Variants in REV3L observed in about 807,000 individuals in gnomAD.
REV3L encodes DNA polymerase zeta catalytic subunit.
A neutral mutation model predicts 299.4 loss-of-function variants in REV3L; 69 were observed. The observed-to-expected ratio is 0.23, with a 90% CI of 0.19 to 0.28. REV3L has a LOEUF of 0.28. REV3L is among the 10% of genes least tolerant of loss of function. The pLI is 1.00. For missense variants in REV3L, 3,128 were observed against 3,693.8 expected, an observed-to-expected ratio of 0.85 and a Z score of 3.97; for synonymous variants, 1,238 against 1,271.4, an observed-to-expected ratio of 0.97 and a Z score of 0.56.
intron 18 of REV3L, among the ~76,000 whole-genome samples, chr6:111,353,038 A>T (rs1470143722): frequency 6.6e-6 from 1 of 152,254 alleles, no homozygotes; most frequent in African/African-American, 2.4e-5. Context: ...CCAAAAGGCC[A>T]AGTGAAATAT....
chr6:111,432,452 A>G (rs1787049763), intron 1 of REV3L, among the ~76,000 whole-genome samples: 1 of 152,224 alleles, frequency 6.6e-6, no homozygotes, highest in Non-Finnish European at 1.5e-5. Flanking sequence ...GTAAAAAGAA[A>G]CAAAGAGGGT....
chr6:111,386,695 C>T (rs1482340673), intron 9 of REV3L, among the ~76,000 whole-genome samples: 1 of 146,380 alleles, frequency 6.8e-6, no homozygotes, highest in Non-Finnish European at 1.5e-5. Context: ...AAAATTTATG[C>T]TTTACTGCTT....
Position 111,373,817 on chromosome 6 carries a change from T to C in REV3L, c.4538A>G (p.Asn1513Ser). Residue 1513 changes from asparagine to serine, a missense_variant, in exon 13 of 32, where the codon AAT becomes AGT. Around this residue, in one of 9 missense-constraint regions of REV3L, gnomAD observed 2,409 missense variants for 2,611.8 expected, o/e 0.92. Coordinates refer to ENST00000368802, the MANE Select transcript of REV3L (RefSeq NM_001372078.1). The stretch of plus-strand genomic sequence containing the variant: ...ACCAAATGCTGAAGGTGTTGACACA[T>C]TTCGATTTTTACACTGAGAAAGTGC... ...TKALSQCKNRNVSTPSAFGEG... is the reference protein window; with the variant it reads ...TKALSQCKNRSVSTPSAFGEG... 4 of 1,614,152 alleles carry C rather than the reference T, an allele frequency of 2.5e-6. No individual in the cohort carries two copies. Among genetic ancestry groups the C allele is most frequent in the Non-Finnish European group, 3.4e-6 (4 of 1,179,998 alleles).
chr6:111,477,889 C>A (rs1012044470), intron 1 of REV3L, among the ~76,000 whole-genome samples: 2 of 152,048 alleles, frequency 1.3e-5, no homozygotes, highest in African/African-American at 4.8e-5. Flanking sequence ...TAAACCTGAC[C>A]AAAAATGCTA....
At chr6:111,448,526 T>C (rs4620160) in intron 1 of REV3L, among the ~76,000 whole-genome samples, 1 of 151,966 alleles carries the variant, frequency 6.6e-6, no homozygotes, top group African/African-American at 2.4e-5. Flanking sequence ...GGAAAGATGG[T>C]GTTGCCCAGG....
Position 111,310,035 on chromosome 6 carries a change from T to C in REV3L, c.8860A>G (p.Ile2954Val), listed in dbSNP as rs1477254362. ...QVGERVPYVI[I>V]YGTPGVPLIQ... Reference sequence around the variant, plus strand: ...AGTGGTACTCCGGGGGTCCCATAAATGATGACGTATGGCACTCGCTCCCCA... The same window carrying C: ...AGTGGTACTCCGGGGGTCCCATAAACGATGACGTATGGCACTCGCTCCCCA... The change falls in exon 30 of 32, where the codon ATT (isoleucine) becomes GTT (valine). Residue 2954 changes from isoleucine (I) to valine (V), a missense_variant. Physicochemically the swap from Ile to Val is conservative, Grantham distance 29. Around this residue, in one of 9 missense-constraint regions of REV3L, gnomAD observed 294 missense variants for 377.0 expected, o/e 0.78. Coordinates refer to ENST00000368802, the MANE Select transcript of REV3L (RefSeq NM_001372078.1). 10 of 1,612,186 alleles carry C rather than the reference T, an allele frequency of 6.2e-6. No individual in the cohort carries two copies. The highest frequency in any genetic ancestry group is 1.3e-5 in the African/African-American group (1 of 74,844).
chr6:111,336,336 G>C (rs746669038), intron 21 of REV3L, among the ~76,000 whole-genome samples: 3 of 152,008 alleles, frequency 2.0e-5, no homozygotes, highest in African/African-American at 4.8e-5. Context: ...TTATTCATTT[G>C]AAGATTAAGG....
chr6:111,335,487 T>G lies in REV3L; in HGVS notation c.7662A>C (p.Val2554=). 6.2e-7 allele frequency: 1 copy of G among 1,613,238 alleles called. No homozygotes were observed. Among genetic ancestry groups the G allele is most frequent in the Non-Finnish European group, 8.5e-7 (1 of 1,179,566 alleles). Residue 2554 remains valine, a synonymous_variant, in exon 22 of 32, where the codon GTA becomes GTC. Coordinates refer to ENST00000368802, the MANE Select transcript of REV3L (RefSeq NM_001372078.1). ...ARLFGIQFLH[V]LTRGSQYRVE... is the part of the protein sequence containing the mutation. Reference sequence around the variant, plus strand: ...TTCCCACCTGTGAACCCCTTGTCAGTACATGTAAAAACTGAATGCCAAAAA... The same window carrying G: ...TTCCCACCTGTGAACCCCTTGTCAGGACATGTAAAAACTGAATGCCAAAAA...
intron 11 of REV3L, 129 bp downstream of exon 11, chr6:111,379,853 G>T: frequency 2.9e-6 from 2 of 682,372 alleles, no homozygotes; most frequent in East Asian, 2.6e-5. Flanking sequence ...GATCACTAAA[G>T]GGGAATTTTA....
chr6:111,401,292 G>A (rs1783060925), intron 4 of REV3L, among the ~76,000 whole-genome samples: 1 of 152,140 alleles, frequency 6.6e-6, no homozygotes, highest in African/African-American at 2.4e-5. Context: ...GAAATTGGTG[G>A]ACAGTTGTCT....
intron 1 of REV3L, among the ~76,000 whole-genome samples, chr6:111,461,783 TA>T (rs1343476449): frequency 1.3e-5 from 2 of 151,862 alleles, no homozygotes; most frequent in East Asian, 3.9e-4. Flanking sequence ...GAAAGAGGTA[TA>T]AATAAATAAG....
intron 31 of REV3L, among the ~76,000 whole-genome samples, chr6:111,306,465 TGGG>T (rs961736333): frequency 6.6e-6 from 1 of 152,128 alleles, no homozygotes. Flanking sequence ...ATGATTTTAT[TGGG>T]GGGTGCGAGG....
chr6:111,453,615 C>T (rs1789809059), intron 1 of REV3L, among the ~76,000 whole-genome samples: 1 of 152,160 alleles, frequency 6.6e-6, no homozygotes, highest in African/African-American at 2.4e-5. Flanking sequence ...CAGGTGACAA[C>T]CACTTTAGTT....
At chr6:111,470,020 A>C (rs1276584951) in intron 1 of REV3L, among the ~76,000 whole-genome samples, 2 of 152,332 alleles carry the variant, frequency 1.3e-5, no homozygotes, top group East Asian at 3.9e-4. Context: ...TGAACTTATA[A>C]AAATTTTATA....
chr6:111,478,447 T>C (rs980183688), intron 1 of REV3L, among the ~76,000 whole-genome samples: 4 of 151,726 alleles, frequency 2.6e-5, no homozygotes, highest in African/African-American at 9.7e-5. Context: ...ATAGCGTTCC[T>C]GAAAATCTCT....
At chr6:111,396,115 C>T (rs992473147) in intron 4 of REV3L, among the ~76,000 whole-genome samples, 2 of 152,152 alleles carry the variant, frequency 1.3e-5, no homozygotes, top group African/African-American at 4.8e-5. Flanking sequence ...TAACCTCCGC[C>T]TCCTGGGCTC....
intron 1 of REV3L, among the ~76,000 whole-genome samples, chr6:111,440,508 C>T (rs1432815819): frequency 1.3e-5 from 2 of 151,478 alleles, no homozygotes; most frequent in Non-Finnish European, 3.0e-5. Flanking sequence ...TGGTCCAAAA[C>T]TGCAATTACT....
At position 111,349,250 on chromosome 6, in the gene REV3L, TA is replaced by T; in HGVS notation, c.7386del (p.Thr2463HisfsTer2). On this transcript the variant is annotated frameshift_variant, in exon 20 of 32. Coordinates refer to ENST00000368802, the MANE Select transcript of REV3L (RefSeq NM_001372078.1). LOFTEE classifies it high-confidence loss of function. ...CTCATGATTCTCCAAAGATTTAGTG[TA>T]ATTCGGCCAACAATATTTATCTCAC... ...TMSEINIVGR[I>X]TLNLWRIMRN... 1 of 1,596,298 alleles carries T rather than the reference TA, an allele frequency of 6.3e-7. No individual in the cohort carries two copies.
intron 29 of REV3L, 177 bp from the exon 30 acceptor site, chr6:111,310,276 C>A: frequency 1.5e-6 from 1 of 658,146 alleles, no homozygotes; most frequent in Non-Finnish European, 2.2e-6. Context: ...TAGTTGACAC[C>A]AAGTGTAGAT....
Sources: allele counts gnomAD v4.1 joint callset (sites outside exome capture counted in the v4.1 genomes callset), GRCh38; gene constraint gnomAD v4.1.1; regional missense constraint gnomAD v4.1.1; transcripts MANE v1.5; gene names NCBI Gene and HGNC (gene_info 2026-07-23, HGNC 2026-07-21).